Variants in LEPR observed in about 807,000 individuals in gnomAD.
LEPR encodes leptin receptor, also known as OB receptor.
In LEPR, 56 loss-of-function variants were observed where a neutral mutation model predicts 114.7. The observed-to-expected ratio is 0.49, with a 90% CI of 0.39 to 0.61. The LOEUF (loss-of-function observed/expected upper bound fraction) is 0.61. Ranked by LOEUF, LEPR falls within the 20% of genes least tolerant of loss-of-function variation. The pLI, the probability that LEPR is intolerant of heterozygous loss-of-function variation, is 0.00. For synonymous variants in LEPR, 443 were observed against 461.4 expected (o/e 0.96, Z 0.51); for missense variants, 1,202 against 1,352.9 (o/e 0.89, Z 1.75).
chr1:65,598,756 C>A lies in LEPR; in HGVS notation c.946C>A (p.Pro316Thr), dbSNP rs754897895. Residue 316 changes from proline to threonine, a missense_variant, in exon 8 of 20, where the codon CCA becomes ACA. By Grantham distance (38) the Pro-to-Thr change is conservative. Transcript: ENST00000349533. ...VQVRGKRLDG[P>T]GIWSDWSTPR... is the part of the protein sequence containing the mutation. ...GGTGAGGGGCAAGAGACTGGATGGC[C>A]CAGGAATCTGGAGTGACTGGAGTAC... 2.9e-5 allele frequency: 46 copies of A among 1,613,256 alleles called. 1 individual carries two copies. In the Middle Eastern group the frequency reaches 1.8e-3, roughly 64 times the overall value.
chr1:65,431,727 G>C, intron 2 of LEPR: 1 of 1,448,962 alleles, frequency 6.9e-7, no homozygotes, highest in Non-Finnish European at 9.4e-7. Context: ...TGTTTCTAAT[G>C]CAGAAAATAA....
intron 2 of LEPR, among the ~76,000 whole-genome samples, chr1:65,513,818 A>G (rs1649152822): frequency 6.6e-6 from 1 of 152,210 alleles, no homozygotes; most frequent in African/African-American, 2.4e-5. Context: ...TTTTCAGGTA[A>G]TATTCTAGGA....
intron 2 of LEPR, among the ~76,000 whole-genome samples, chr1:65,546,558 C>G (rs1225928323): frequency 6.6e-6 from 1 of 152,116 alleles, no homozygotes. Context: ...GTATTTTATT[C>G]TCTTTGAAGC....
chr1:65,542,546 G>A (rs971099696), intron 2 of LEPR, among the ~76,000 whole-genome samples: 1 of 151,354 alleles, frequency 6.6e-6, no homozygotes, highest in African/African-American at 2.4e-5. Context: ...CACATGCCAC[G>A]GTGGTTTGCT....
chr1:65,461,296 C>T (rs966260307), intron 2 of LEPR, among the ~76,000 whole-genome samples: 4 of 152,206 alleles, frequency 2.6e-5, no homozygotes, highest in South Asian at 4.2e-4. Flanking sequence ...TGTCTAATAC[C>T]ATTCTTCAGT....
chr1:65,629,233 A>AT (rs200545933), intron 19 of LEPR: 3,145 of 257,136 alleles, frequency 0.012, 1 homozygote, highest in South Asian at 0.023. Context: ...CTCCCCTGCT[A>AT]TTTTTTTTTT....
chr1:65,594,393 G>A (rs190537297), intron 6 of LEPR, among the ~76,000 whole-genome samples: 5 of 152,182 alleles, frequency 3.3e-5, no homozygotes, highest in African/African-American at 1.2e-4. Flanking sequence ...GGCCAGGGTG[G>A]AGAAGTAAAG....
At chr1:65,626,581 C>T (rs1369751419) in intron 19 of LEPR, among the ~76,000 whole-genome samples, 1 of 146,684 alleles carries the variant, frequency 6.8e-6, no homozygotes, top group Non-Finnish European at 1.5e-5. Flanking sequence ...TGATAAAAAT[C>T]TTCTAAAATT....
chr1:65,620,459 T>C (rs1219042249), intron 17 of LEPR, among the ~76,000 whole-genome samples: 1 of 152,238 alleles, frequency 6.6e-6, no homozygotes, highest in African/African-American at 2.4e-5. Context: ...AACATAAGTT[T>C]CTGCCCTTAT....
chr1:65,563,576 G>C (rs1173250369), intron 2 of LEPR, among the ~76,000 whole-genome samples: 15 of 98,458 alleles, frequency 1.5e-4, no homozygotes, highest in African/African-American at 5.0e-4. Context: ...TCTCCATCCA[G>C]CTTTGTTCCG....
At position 65,550,316 on chromosome 1, in the gene LEPR, G is replaced by A. The variant is rs1241076903; in HGVS notation, c.-20-15230G>A. 2.6e-5 allele frequency among the ~76,000 whole-genome samples: 4 copies of A among 152,304 alleles called. No individual in the cohort carries two copies. The South Asian group carries it at 6.2e-4, about 24-fold the overall frequency. ...TGCCCGTTCTCAGGTCTCCAGCTGC[G>A]TGCTGGGAGAACCACTGCTCTCTTC... On this transcript the variant is annotated intron_variant, in intron 2 of 19. Coordinates refer to ENST00000349533, the MANE Select transcript of LEPR (RefSeq NM_002303.6).
intron 19 of LEPR, among the ~76,000 whole-genome samples, chr1:65,628,517 G>C (rs181952417): frequency 6.6e-6 from 1 of 152,240 alleles, no homozygotes; most frequent in East Asian, 1.9e-4. Flanking sequence ...GACCAATGAA[G>C]AGTAATCCTT....
intron 2 of LEPR, among the ~76,000 whole-genome samples, chr1:65,532,509 C>T (rs1570625915): frequency 6.6e-6 from 1 of 152,126 alleles, no homozygotes. Context: ...TGAAAATATA[C>T]ATCCACACAA....
chr1:65,498,289 C>T (rs991515354), intron 2 of LEPR, among the ~76,000 whole-genome samples: 4 of 152,110 alleles, frequency 2.6e-5, no homozygotes, highest in African/African-American at 9.7e-5. Context: ...AGCTGAAAGG[C>T]TTTACAAGAT....
intron 2 of LEPR, among the ~76,000 whole-genome samples, chr1:65,475,224 T>C (rs1332213356): frequency 2.0e-5 from 3 of 152,154 alleles, no homozygotes; most frequent in Non-Finnish European, 4.4e-5. Flanking sequence ...TATTCATTAT[T>C]GTGTTGGACT....
intron 2 of LEPR, among the ~76,000 whole-genome samples, chr1:65,527,816 C>G (rs1650075631): frequency 6.6e-6 from 1 of 152,198 alleles, no homozygotes; most frequent in South Asian, 2.1e-4. Context: ...ATAGTCATCT[C>G]CGTTGAAACA....
In LEPR at chr1:65,546,634, C is replaced by T. The variant is rs1307493250; in HGVS notation, c.-20-18912C>T. 1.3e-5 allele frequency among the ~76,000 whole-genome samples: 2 copies of T among 152,304 alleles called. 1 individual carries two copies. The highest frequency in any genetic ancestry group is 4.1e-4 in the South Asian group (2 of 4,828). On this transcript the variant is annotated intron_variant, in intron 2 of 19. Transcript: ENST00000349533. ...TGTCTGTTATTGGTGTATAAGAATG[C>T]TTGCGATTTTTGTACATTGATTTTG...
intron 2 of LEPR, among the ~76,000 whole-genome samples, chr1:65,468,671 T>C (rs61779781): frequency 0.3 from 45,043 of 152,152 alleles, 8,542 homozygotes; most frequent in Non-Finnish European, 0.42. Context: ...TCTGCTGTCA[T>C]AGGGCTCTTC....
intron 2 of LEPR, among the ~76,000 whole-genome samples, chr1:65,453,204 A>G (rs1646813977): frequency 6.6e-6 from 1 of 151,860 alleles, no homozygotes; most frequent in Non-Finnish European, 1.5e-5. Context: ...CAGTCTATCA[A>G]TTTTGTTGAT....
Sources: allele counts gnomAD v4.1 joint callset (sites outside exome capture counted in the v4.1 genomes callset), GRCh38; gene constraint gnomAD v4.1.1; transcripts MANE v1.5; gene names NCBI Gene and HGNC (gene_info 2026-07-23, HGNC 2026-07-21).